Variants in KLHL3 observed in about 807,000 individuals in gnomAD.
KLHL3 encodes the protein kelch-like protein 3.
In KLHL3, 19 loss-of-function variants were observed where a neutral mutation model predicts 70.5. That is an observed-to-expected ratio of 0.27 (90% CI 0.19 to 0.40). KLHL3 has a LOEUF of 0.40. KLHL3 is among the 10% of genes least tolerant of loss of function. The pLI is 1.00. For synonymous variants in KLHL3, 258 were observed against 290.3 expected (o/e 0.89, Z 1.13); for missense variants, 512 against 771.1 (o/e 0.66, Z 3.98).
chr5:137,712,016 G>T (rs543835223), intron 2 of KLHL3, among the ~76,000 whole-genome samples: 2 of 151,156 alleles, frequency 1.3e-5, no homozygotes, highest in Non-Finnish European at 2.9e-5. Flanking sequence ...AAAAAAGCCC[G>T]GTGTGGTGGC....
chr5:137,622,815 A>G (rs942940224), intron 14 of KLHL3, among the ~76,000 whole-genome samples: 6 of 152,356 alleles, frequency 3.9e-5, no homozygotes, highest in Middle Eastern at 3.4e-3. Flanking sequence ...ACTGTAAGGG[A>G]CTGAGGCTAC....
chr5:137,654,712 T>C (rs1751296992), intron 8 of KLHL3, among the ~76,000 whole-genome samples: 1 of 152,220 alleles, frequency 6.6e-6, no homozygotes, highest in Admixed American at 6.5e-5. Context: ...TTTCTTTCTT[T>C]AACAGATTCT....
At chr5:137,662,391 A>G (rs1000957554) in intron 6 of KLHL3, among the ~76,000 whole-genome samples, 2 of 152,188 alleles carry the variant, frequency 1.3e-5, no homozygotes, top group Admixed American at 6.5e-5. Flanking sequence ...GTAACTGTGA[A>G]CCAAATTTAT....
intron 5 of KLHL3, among the ~76,000 whole-genome samples, chr5:137,683,218 T>G (rs1408266090): frequency 1.3e-5 from 2 of 152,006 alleles, no homozygotes. Flanking sequence ...CTCCATAATT[T>G]CCCATCCACA....
chr5:137,671,817 A>T (rs946597051), intron 6 of KLHL3: 2 of 152,168 alleles, frequency 1.3e-5, no homozygotes, highest in Admixed American at 1.3e-4. Flanking sequence ...CAGGGTAGGG[A>T]GTAGTAACTG....
intron 8 of KLHL3, among the ~76,000 whole-genome samples, chr5:137,641,437 C>CTAGG (rs1750912372): frequency 6.6e-6 from 1 of 152,004 alleles, no homozygotes; most frequent in South Asian, 2.1e-4. Flanking sequence ...TGCTGCCACT[C>CTAGG]TAGGGTTCAT....
At chr5:137,623,566 T>C (rs1399662163) in intron 14 of KLHL3, among the ~76,000 whole-genome samples, 2 of 152,198 alleles carry the variant, frequency 1.3e-5, no homozygotes, top group African/African-American at 2.4e-5. Context: ...ATAAAAGTAA[T>C]ATATTCTCAT....
intron 4 of KLHL3, among the ~76,000 whole-genome samples, chr5:137,692,970 T>C (rs1248887042): frequency 6.6e-6 from 1 of 152,134 alleles, no homozygotes; most frequent in African/African-American, 2.4e-5. Context: ...GGCCTGGACA[T>C]TAAGATGTTT....
At chr5:137,692,822 A>C (rs1752355305) in intron 4 of KLHL3, 1 of 213,012 alleles carries the variant, frequency 4.7e-6, no homozygotes, top group African/African-American at 2.4e-5. Flanking sequence ...AAAACTCTAC[A>C]CACACACACA....
chr5:137,665,130 C>T (rs753905928), intron 6 of KLHL3, among the ~76,000 whole-genome samples: 2 of 152,050 alleles, frequency 1.3e-5, no homozygotes, highest in Non-Finnish European at 1.5e-5. Flanking sequence ...TTCTATAGGA[C>T]GGCTGGCCTG....
rs1395288472 is a variant in KLHL3, at chr5:137,692,354, G to A, written c.457C>T (p.Leu153=). Residue 153 remains leucine, a synonymous_variant, in exon 5 of 15, where the codon CTG becomes TTG. Coordinates refer to ENST00000309755, the MANE Select transcript of KLHL3 (RefSeq NM_017415.3). ...ACATCTGCAAATGCACGGATGCCCA[G>A]GCAATTGGTGGGATGCAACTGAGAC... ...LQSQLHPTNC[L]GIRAFADVHT... is the part of the protein sequence containing the mutation. 1 of 1,613,882 alleles carries A rather than the reference G, an allele frequency of 6.2e-7. No individual in the cohort carries two copies. Among genetic ancestry groups the A allele is most frequent in the Non-Finnish European group, 8.5e-7 (1 of 1,180,000 alleles).
intron 1 of KLHL3, among the ~76,000 whole-genome samples, chr5:137,723,228 CT>C (rs1340506708): frequency 6.6e-6 from 1 of 152,126 alleles, no homozygotes; most frequent in Non-Finnish European, 1.5e-5. Flanking sequence ...GTCCCCAGTC[CT>C]ATTATTATTT....
chr5:137,625,821 T>C lies in KLHL3; in HGVS notation c.1667A>G (p.Tyr556Cys), dbSNP rs765759850. The C allele has an allele frequency of 1.2e-6, 2 of 1,614,024 alleles. No individual in the cohort carries two copies. The highest frequency in any genetic ancestry group is 2.7e-5 in the African/African-American group (2 of 74,914). Residue 556 changes from tyrosine (Y) to cysteine (C), a missense_variant, in exon 14 of 15, where the codon TAC becomes TGC. Tyr to Cys is a radical substitution (Grantham distance 194). Coordinates refer to ENST00000309755, the MANE Select transcript of KLHL3 (RefSeq NM_017415.3). ...DGSCNLASVE[Y>C]YNPVTDKWTL... is the part of the protein sequence containing the mutation. ...CCATTTGTCAGTGACAGGATTGTAG[T>C]ACTCCACCGAAGCCAAGTTGCAGGA...
At chr5:137,734,158 C>A (rs1040325181) in intron 1 of KLHL3, among the ~76,000 whole-genome samples, 1 of 152,214 alleles carries the variant, frequency 6.6e-6, no homozygotes, top group East Asian at 1.9e-4. Context: ...ACCCCAGTTA[C>A]ACCACAGGTC....
At position 137,633,548 on chromosome 5, in the gene KLHL3, A is replaced by C. The variant is rs1750694507; in HGVS notation, c.1450+489T>G. Among the ~76,000 whole-genome samples the C allele has an allele frequency of 2.0e-5, 3 of 152,202 alleles. No homozygotes were observed. In the South Asian group the frequency reaches 6.2e-4, roughly 31 times the overall value. On this transcript the variant is annotated intron_variant, in intron 12 of 14. Transcript: ENST00000309755. ...TTAAAGCAGCACTACTGACTACCAC[A>C]AAGTCATATAATCAATCTAAGTATC...
chr5:137,676,100 A>T (rs1458485924), intron 6 of KLHL3, among the ~76,000 whole-genome samples: 8 of 152,302 alleles, frequency 5.3e-5, no homozygotes, highest in African/African-American at 1.9e-4. Flanking sequence ...GGCCTCCCTG[A>T]GCCTAAGGGA....
At chr5:137,697,200 G>T in intron 4 of KLHL3, among the ~76,000 whole-genome samples, 2 of 149,660 alleles carry the variant, frequency 1.3e-5, no homozygotes, top group Admixed American at 6.7e-5. Flanking sequence ...GTCTCGCTCT[G>T]TCATCCAGAT....
At chr5:137,638,867 T>C (rs1750835557) in intron 10 of KLHL3, 86 bp downstream of exon 10, 13 of 1,287,120 alleles carry the variant, frequency 1.0e-5, no homozygotes, top group South Asian at 6.8e-5. Flanking sequence ...GGACAGAAAG[T>C]TGGTCCAGAA....
intron 1 of KLHL3, among the ~76,000 whole-genome samples, chr5:137,723,489 T>C (rs890873625): frequency 6.6e-6 from 1 of 152,234 alleles, no homozygotes; most frequent in Non-Finnish European, 1.5e-5. Flanking sequence ...TTTATGGTTT[T>C]TATTGCTCTT....
Sources: allele counts gnomAD v4.1 joint callset (sites outside exome capture counted in the v4.1 genomes callset), GRCh38; gene constraint gnomAD v4.1.1; transcripts MANE v1.5; gene names NCBI Gene and HGNC (gene_info 2026-07-23, HGNC 2026-07-21).